SLC22A15: variants seen among roughly 807,000 people sequenced by gnomAD.
SLC22A15 encodes the protein solute carrier family 22 member 15.
Under a neutral mutation model 62.7 loss-of-function variants are expected in SLC22A15, and 45 were observed. The ratio of observed to expected loss-of-function variants is 0.72; its 90% confidence interval spans 0.56 to 0.92. The LOEUF (loss-of-function observed/expected upper bound fraction) is 0.92. Among genes scored for constraint, SLC22A15 ranks in the 40% least tolerant of loss-of-function variants. SLC22A15 has a pLI of 0.00. For missense variants in SLC22A15, 622 were observed against 665.6 expected (o/e 0.93, Z 0.72); for synonymous variants, 264 against 267.0 (o/e 0.99, Z 0.11).
At chr1:115,978,957 C>A (rs1347868255) in intron 1 of SLC22A15, among the ~76,000 whole-genome samples, 3 of 152,150 alleles carry the variant, frequency 2.0e-5, no homozygotes, top group Non-Finnish European at 4.4e-5. Flanking sequence ...AACAACACAG[C>A]AACAAGGCCA....
chr1:115,977,792 C>G (rs1256558983), intron 1 of SLC22A15, among the ~76,000 whole-genome samples: 1 of 152,110 alleles, frequency 6.6e-6, no homozygotes, highest in Non-Finnish European at 1.5e-5. Context: ...GCCACCAGTC[C>G]ACAAGTTGCT....
chr1:116,033,441 CT>C (rs1162427034), intron 6 of SLC22A15, among the ~76,000 whole-genome samples: 1 of 152,090 alleles, frequency 6.6e-6, no homozygotes, highest in Admixed American at 6.6e-5. Context: ...GCTTCATGCT[CT>C]CCCCGTTCTC....
chr1:115,997,006 C>T (rs570036633), intron 2 of SLC22A15, among the ~76,000 whole-genome samples: 16 of 151,922 alleles, frequency 1.1e-4, no homozygotes, highest in African/African-American at 3.9e-4. Context: ...TAGCACTGTG[C>T]TGAATAAAAT....
chr1:115,993,254 TG>T (rs1477517424), intron 2 of SLC22A15, among the ~76,000 whole-genome samples: 1 of 152,184 alleles, frequency 6.6e-6, no homozygotes, highest in African/African-American at 2.4e-5. Flanking sequence ...GTTGACACCC[TG>T]GCCCCATCCT....
chr1:116,008,121 G>C (rs116490478), intron 2 of SLC22A15, among the ~76,000 whole-genome samples: 1 of 152,102 alleles, frequency 6.6e-6, no homozygotes, highest in African/African-American at 2.4e-5. Flanking sequence ...CACAGTGACC[G>C]TGGGGAGATA....
intron 8 of SLC22A15, among the ~76,000 whole-genome samples, chr1:116,054,415 G>C (rs1426410652): frequency 6.6e-6 from 1 of 151,818 alleles, no homozygotes; most frequent in Non-Finnish European, 1.5e-5. Flanking sequence ...CAAGTCCTGA[G>C]TGACCTACAA....
At chr1:115,988,890 C>T (rs558200470) in intron 1 of SLC22A15, among the ~76,000 whole-genome samples, 41 of 152,254 alleles carry the variant, frequency 2.7e-4, no homozygotes, top group South Asian at 1.9e-3. Flanking sequence ...GAGCTAATTT[C>T]TCATAGTACC....
At chr1:116,012,181 A>G (rs1656305723) in intron 2 of SLC22A15, among the ~76,000 whole-genome samples, 1 of 152,222 alleles carries the variant, frequency 6.6e-6, no homozygotes, top group African/African-American at 2.4e-5. Flanking sequence ...AAGAAATAAA[A>G]AACCTACAAT....
At chr1:115,984,396 A>G (rs10923930) in intron 1 of SLC22A15, among the ~76,000 whole-genome samples, 73,924 of 152,020 alleles carry the variant, frequency 0.49, 20,687 homozygotes, top group Non-Finnish European at 0.64. Context: ...TTGTGCTCTC[A>G]TGAACTTCAT....
chr1:115,987,227 G>A lies in SLC22A15; in HGVS notation c.88-4804G>A, dbSNP rs376726016. Among the ~76,000 whole-genome samples, 6 of 149,862 alleles carry A rather than the reference G, an allele frequency of 4.0e-5. No individual in the cohort carries two copies. In the East Asian group the frequency reaches 5.9e-4, roughly 15 times the overall value. Reference sequence around the variant, plus strand: ...GTCACCCAGGCTGGAGTGCAGTGGCGCAATCTCGGCTCACTGCAAGCTCCG... The same window carrying A: ...GTCACCCAGGCTGGAGTGCAGTGGCACAATCTCGGCTCACTGCAAGCTCCG... On this transcript the variant is annotated intron_variant, in intron 1 of 11. Coordinates refer to ENST00000369503, the MANE Select transcript of SLC22A15 (RefSeq NM_018420.3).
chr1:116,021,647 G>C (rs1160731693), intron 4 of SLC22A15, among the ~76,000 whole-genome samples: 3 of 152,178 alleles, frequency 2.0e-5, no homozygotes, highest in African/African-American at 7.2e-5. Flanking sequence ...ATCTATATGA[G>C]AAGGCCATTT....
intron 2 of SLC22A15, chr1:116,015,329 A>G (rs1489162518): frequency 6.6e-6 from 1 of 152,186 alleles, no homozygotes; most frequent in Non-Finnish European, 1.5e-5. Flanking sequence ...TAATAGAGAG[A>G]CACATGAGCT....
At chr1:115,981,656 C>T (rs1029917670) in intron 1 of SLC22A15, among the ~76,000 whole-genome samples, 6 of 152,192 alleles carry the variant, frequency 3.9e-5, no homozygotes, top group Non-Finnish European at 7.3e-5. Flanking sequence ...TGTAGAGATA[C>T]AGGAGGCCTC....
chr1:116,051,675 C>A (rs777079642), intron 8 of SLC22A15, among the ~76,000 whole-genome samples: 2 of 152,174 alleles, frequency 1.3e-5, no homozygotes, highest in African/African-American at 2.4e-5. Context: ...TGACCAAGAA[C>A]TCAAAAACAA....
intron 2 of SLC22A15, among the ~76,000 whole-genome samples, chr1:116,014,798 G>A (rs1191697272): frequency 6.6e-6 from 1 of 152,036 alleles, no homozygotes; most frequent in African/African-American, 2.4e-5. Flanking sequence ...TCATATTTAG[G>A]TTTATTATAG....
intron 8 of SLC22A15, among the ~76,000 whole-genome samples, chr1:116,041,483 T>C (rs1230870559): frequency 2.0e-5 from 3 of 152,160 alleles, no homozygotes; most frequent in South Asian, 2.1e-4. Context: ...ATAAGAAATA[T>C]TGATTTTCAG....
chr1:116,016,473 G>A (rs956212853), intron 2 of SLC22A15, among the ~76,000 whole-genome samples: 5 of 152,052 alleles, frequency 3.3e-5, no homozygotes, highest in African/African-American at 7.2e-5. Context: ...GCAATCCACC[G>A]GCCTCAGCTT....
intron 6 of SLC22A15, chr1:116,032,058 G>A (rs1657432561): frequency 2.0e-6 from 2 of 985,268 alleles, no homozygotes; most frequent in African/African-American, 3.5e-5. Context: ...ACTCACTGAG[G>A]TGGGCTAAAT....
intron 2 of SLC22A15, among the ~76,000 whole-genome samples, chr1:116,016,994 G>A (rs763253655): frequency 2.6e-5 from 4 of 152,006 alleles, no homozygotes; most frequent in African/African-American, 7.3e-5. Context: ...TTCAATATTC[G>A]TTCTTTGCAC....
Sources: allele counts gnomAD v4.1 joint callset (sites outside exome capture counted in the v4.1 genomes callset), GRCh38; gene constraint gnomAD v4.1.1; transcripts MANE v1.5; gene names NCBI Gene and HGNC (gene_info 2026-07-23, HGNC 2026-07-21).